Variants in GTPBP10 observed in about 807,000 individuals in gnomAD.
GTPBP10 encodes the protein GTP-binding protein 10.
A neutral mutation model predicts 44.8 loss-of-function variants in GTPBP10; 38 were observed. That is an observed-to-expected ratio of 0.85 (90% CI 0.65 to 1.11). The LOEUF is 1.11. GTPBP10 is among the 50% of genes most tolerant of loss of function. GTPBP10 has a pLI of 0.00. For synonymous variants in GTPBP10, 152 were observed against 150.6 expected, an observed-to-expected ratio of 1.01 and a Z score of -0.07; for missense variants, 462 against 453.7, an observed-to-expected ratio of 1.02 and a Z score of -0.17.
chr7:90,372,182 G>C lies in GTPBP10; in HGVS notation c.492G>C (p.Leu164Phe), dbSNP rs35001814. 0.13 allele frequency: 206,669 copies of C among 1,601,718 alleles called. 15,101 individuals carry two copies. The highest frequency in any genetic ancestry group is 0.15 in the Non-Finnish European group (174,807 of 1,171,708). The change falls in exon 5 of 10, where the codon TTG (leucine) becomes TTC (phenylalanine). Residue 164 changes from leucine (L) to phenylalanine (F), a missense_variant. Leu to Phe is a conservative substitution (Grantham distance 22). Coordinates refer to ENST00000222511, the MANE Select transcript of GTPBP10 (RefSeq NM_033107.4). ...TCCCAAATGCTGGAAAATCCTCTTT[G>C]CTAAGTTGTGTTTCTCATGCAAAAC... is the stretch of plus-strand genomic sequence containing the variant. ...VGFPNAGKSS[L>F]LSCVSHAKPA...
At chr7:90,370,045 A>C (rs1400660875) in intron 4 of GTPBP10, among the ~76,000 whole-genome samples, 3 of 152,140 alleles carry the variant, frequency 2.0e-5, no homozygotes, top group East Asian at 3.9e-4. Context: ...ATGCAAAACT[A>C]CCTATTGGGT....
intron 6 of GTPBP10, among the ~76,000 whole-genome samples, 161 bp downstream of exon 6, chr7:90,374,515 C>G (rs1796311843): frequency 6.6e-6 from 1 of 152,158 alleles, no homozygotes; most frequent in Non-Finnish European, 1.5e-5. Flanking sequence ...TAATTCTGAG[C>G]ACTATCATAA....
chr7:90,355,164 C>T lies in GTPBP10; in HGVS notation c.398C>T (p.Pro133Leu). 2 of 1,605,948 alleles carry T rather than the reference C, an allele frequency of 1.2e-6. No homozygotes were observed. The highest frequency in any genetic ancestry group is 2.2e-5 in the East Asian group (1 of 44,478). The change falls in exon 4 of 10, where the codon CCA (proline) becomes CTA (leucine). Residue 133 changes from proline (P) to leucine (L), a missense_variant. Transcript: ENST00000222511. ...GGTAAATTACTTACAAATTTCTTAC[C>T]ATTGAAAGGCCAGAAACGAATAATT... ...LGGKLLTNFL[P>L]LKGQKRIIHL...
chr7:90,367,538 C>T (rs899356440), intron 4 of GTPBP10, among the ~76,000 whole-genome samples: 1 of 152,124 alleles, frequency 6.6e-6, no homozygotes, highest in Non-Finnish European at 1.5e-5. Flanking sequence ...TATGTAATGG[C>T]CTTCTTTGTC....
rs113169486 is a variant in GTPBP10 at position 90,371,379 on chromosome 7, G to A, written c.465-776G>A. ...AAAGAGTAGGCCAAGCAACTATAAA[G>A]TAGTTTTCCCCTACTTCCTTCAAAA... On this transcript the variant is annotated intron_variant, in intron 4 of 9. Coordinates refer to ENST00000222511, the MANE Select transcript of GTPBP10 (RefSeq NM_033107.4). 1.9e-5 allele frequency: 3 copies of A among 156,560 alleles called. No individual in the cohort carries two copies. In the Admixed American group the frequency reaches 2.0e-4, roughly 10 times the overall value. 9.7% of individuals were successfully genotyped at this position (156,560 alleles called of 1,614,324 possible). A position where few individuals can be genotyped will look rare whatever the true frequency, so the allele number is the denominator to read the frequency against.
chr7:90,350,037 C>T (rs1422021030), intron 1 of GTPBP10, among the ~76,000 whole-genome samples: 2 of 151,978 alleles, frequency 1.3e-5, no homozygotes, highest in African/African-American at 4.8e-5. Flanking sequence ...TTGTCATTTA[C>T]ATTGGGTATT....
At position 90,374,361 on chromosome 7, in the gene GTPBP10, AT is replaced by A. The variant is rs776767702; in HGVS notation, c.591+12del. 3.8e-6 allele frequency: 6 copies of A among 1,558,716 alleles called. No homozygotes were observed. Among genetic ancestry groups the A allele is most frequent in the Non-Finnish European group, 5.3e-6 (6 of 1,130,900 alleles). On this transcript the variant is annotated splice_region_variant and intron_variant, in intron 6 of 9. Coordinates refer to ENST00000222511, the MANE Select transcript of GTPBP10 (RefSeq NM_033107.4). Reference sequence around the variant, plus strand: ...GTACAGTGATTTCAAACAGGTAGGTATTTTTAAAGTAAAACACTATATTAGA... The same window carrying A: ...GTACAGTGATTTCAAACAGGTAGGTATTTTAAAGTAAAACACTATATTAGA...
rs1386176014 is a variant in GTPBP10 at position 90,389,634 on chromosome 7, A to C, written c.*4480A>C. On this transcript the variant is annotated 3_prime_UTR_variant, in exon 10 of 10. Transcript: ENST00000222511. ...TTTTTAAAAGACATTTATTAAAAAA[A>C]AATGTCTATGCCTTATCAAAGTTTA... 1 of 152,210 alleles carries C rather than the reference A, an allele frequency of 6.6e-6. No homozygotes were observed. The highest frequency in any genetic ancestry group is 1.9e-4 in the East Asian group (1 of 5,192). 9.4% of individuals were successfully genotyped at this position (152,210 alleles called of 1,614,324 possible). A position where few individuals can be genotyped will look rare whatever the true frequency, so the allele number is the denominator to read the frequency against.
intron 1 of GTPBP10, among the ~76,000 whole-genome samples, chr7:90,348,553 C>T (rs1207853493): frequency 6.9e-6 from 1 of 145,978 alleles, no homozygotes; most frequent in Non-Finnish European, 1.5e-5. Flanking sequence ...GGTCTTCATC[C>T]TTATAGTCTT....
chr7:90,389,752 C>T lies in GTPBP10; in HGVS notation c.*4598C>T, dbSNP rs1796584932. On this transcript the variant is annotated 3_prime_UTR_variant, in exon 10 of 10. Coordinates refer to ENST00000222511, the MANE Select transcript of GTPBP10 (RefSeq NM_033107.4). The stretch of plus-strand genomic sequence containing the variant: ...TAAAAGTTAAGCAGTGAAAAATAAA[C>T]ATCTTTTTTTCTTAAAGAGATATTT... 3 of 152,114 alleles carry T rather than the reference C, an allele frequency of 2.0e-5. 1 individual carries two copies. The East Asian group carries it at 5.8e-4, about 29-fold the overall frequency. The allele number at this position is 152,114 out of a possible 1,614,324, so 9.4% of individuals were successfully genotyped here.
chr7:90,371,731 A>G (rs376697956), intron 4 of GTPBP10, among the ~76,000 whole-genome samples: 3 of 152,222 alleles, frequency 2.0e-5, no homozygotes, highest in East Asian at 1.9e-4. Context: ...TGATAGCTAA[A>G]TGGAATTCAT....
chr7:90,370,176 C>A (rs1021006732), intron 4 of GTPBP10, among the ~76,000 whole-genome samples: 46 of 152,082 alleles, frequency 3.0e-4, no homozygotes, highest in Non-Finnish European at 6.0e-4. Context: ...GTAGAAATAT[C>A]ATTTCATCCA....
Position 90,383,096 on chromosome 7 carries a change from A to T in GTPBP10, c.901+17A>T. The T allele has an allele frequency of 2.0e-6, 3 of 1,503,314 alleles. No individual in the cohort carries two copies. The highest frequency in any genetic ancestry group is 2.7e-6 in the Non-Finnish European group (3 of 1,111,254). 93.1% of individuals were successfully genotyped at this position (1,503,314 alleles called of 1,614,324 possible). On this transcript the variant is annotated intron_variant, in intron 9 of 9. Coordinates refer to ENST00000222511, the MANE Select transcript of GTPBP10 (RefSeq NM_033107.4). ...ATCCTAAAGGTAAACCTATTTATTCATTTAATTCTAATTTAAAGAATAATT... is the reference window on the plus strand; with the variant it reads ...ATCCTAAAGGTAAACCTATTTATTCTTTTAATTCTAATTTAAAGAATAATT...
chr7:90,373,818 G>A (rs185490585), intron 5 of GTPBP10, among the ~76,000 whole-genome samples: 1 of 152,250 alleles, frequency 6.6e-6, no homozygotes, highest in East Asian at 1.9e-4. Context: ...ATAAAAATCT[G>A]TGTTTGTCTT....
At chr7:90,372,257 T>G in intron 5 of GTPBP10, 29 bp downstream of exon 5, 1 of 1,351,778 alleles carries the variant, frequency 7.4e-7, no homozygotes, top group South Asian at 1.2e-5. Flanking sequence ...TACATTTTAA[T>G]GAGTGGAGGT....
chr7:90,353,153 C>T (rs1795826890), intron 2 of GTPBP10, 144 bp downstream of exon 2: 2 of 539,114 alleles, frequency 3.7e-6, no homozygotes, highest in Admixed American at 7.0e-5. Context: ...TAAAATGTCT[C>T]AACTCATAAA....
rs1426008810 is a variant in GTPBP10, at chr7:90,352,557, C to A, written c.34-259C>A. Among the ~76,000 whole-genome samples the A allele has an allele frequency of 2.6e-5, 4 of 152,022 alleles. No homozygotes were observed. The East Asian group carries it at 7.7e-4, about 29-fold the overall frequency. On this transcript the variant is annotated intron_variant, in intron 1 of 9. Transcript: ENST00000222511. ...GAGAAAGTCTAGAATGAAAACAGGG[C>A]CAAGTCAGAAACCCTCAGGATAGGT...
intron 4 of GTPBP10, among the ~76,000 whole-genome samples, chr7:90,366,726 A>C (rs1313534847): frequency 6.6e-6 from 1 of 151,204 alleles, no homozygotes; most frequent in Non-Finnish European, 1.5e-5. Context: ...TTTCAAAAAA[A>C]AAAAAACCAG....
chr7:90,366,041 C>A (rs1284190087), intron 4 of GTPBP10, among the ~76,000 whole-genome samples: 2 of 152,046 alleles, frequency 1.3e-5, no homozygotes, highest in African/African-American at 4.8e-5. Context: ...TTTGTCGTTG[C>A]TTCTGTTTAT....
Sources: allele counts gnomAD v4.1 joint callset (sites outside exome capture counted in the v4.1 genomes callset), GRCh38; gene constraint gnomAD v4.1.1; transcripts MANE v1.5; gene names NCBI Gene and HGNC (gene_info 2026-07-23, HGNC 2026-07-21).